ADGRL2: variants seen among roughly 807,000 people sequenced by gnomAD.
ADGRL2 encodes calcium-independent alpha-latrotoxin receptor 2.
ADGRL2 carries 44 observed loss-of-function variants against 157.4 expected under a neutral mutation model. The ratio of observed to expected loss-of-function variants is 0.28; its 90% CI spans 0.22 to 0.36. The LOEUF (loss-of-function observed/expected upper bound fraction) is 0.36. ADGRL2 is among the 10% of genes least tolerant of loss of function. ADGRL2 has a pLI of 1.00. For synonymous variants in ADGRL2, 585 were observed against 624.7 expected, an observed-to-expected ratio of 0.94 and a Z score of 0.95; for missense variants, 1,510 against 1,768.9, an observed-to-expected ratio of 0.85 and a Z score of 2.63.
chr1:81,952,536 T>C (rs1652175965), intron 9 of ADGRL2, among the ~76,000 whole-genome samples: 1 of 152,170 alleles, frequency 6.6e-6, no homozygotes, highest in African/African-American at 2.4e-5. Context: ...TATTAGCCAC[T>C]GACATATTTC....
intron 6 of ADGRL2, among the ~76,000 whole-genome samples, chr1:81,948,785 T>C (rs915732422): frequency 4.6e-5 from 7 of 152,174 alleles, no homozygotes; most frequent in South Asian, 2.1e-4. Context: ...CAATAAATTA[T>C]GCCCTGGAAA....
chr1:81,435,049 A>G lies in ADGRL2; in HGVS notation c.-301-9987A>G, dbSNP rs913009539. 2.0e-4 allele frequency among the ~76,000 whole-genome samples: 30 copies of G among 152,230 alleles called. 1 individual carries two copies. Among genetic ancestry groups the G allele is most frequent in the African/African-American group, 6.0e-4 (25 of 41,462 alleles). On this transcript the variant is annotated intron_variant, in intron 1 of 24. Transcript: ENST00000370721. ...TTAATAATAGGTAAACTTTATTGACATGAATTTTATTTTACTTATACTCTA... is the reference window on the plus strand; with the variant it reads ...TTAATAATAGGTAAACTTTATTGACGTGAATTTTATTTTACTTATACTCTA...
At chr1:81,426,281 G>A (rs765941799) in intron 1 of ADGRL2, among the ~76,000 whole-genome samples, 3 of 152,068 alleles carry the variant, frequency 2.0e-5, no homozygotes, top group Admixed American at 6.5e-5. Flanking sequence ...AGGGTCTTGT[G>A]GCCTATTTAC....
At chr1:81,964,403 T>C (rs746478867) in intron 11 of ADGRL2, among the ~76,000 whole-genome samples, 2 of 152,112 alleles carry the variant, frequency 1.3e-5, no homozygotes, top group Non-Finnish European at 2.9e-5. Context: ...ACACAGAGTC[T>C]GAGAACAGTT....
rs1295908155 is a variant in ADGRL2 at position 81,557,449 on chromosome 1, GAGAAAGAA to G, written c.-247-23414_-247-23407del. ...AGAGAGAAAAAGAAAGAAAGAAAGA[GAGAAAGAA>G]AGAAAGAAAGAAGAAAGAAAGAAAG... is the stretch of plus-strand genomic sequence containing the variant. On this transcript the variant is annotated intron_variant, in intron 2 of 24. Coordinates refer to the ADGRL2 transcript ENST00000370721. 4 of 44,602 alleles carry G rather than the reference GAGAAAGAA, an allele frequency of 9.0e-5. No homozygotes were observed. The South Asian group carries it at 3.8e-3, about 42-fold the overall frequency. The allele number at this position is 44,602 out of a possible 1,614,324, so 2.8% of individuals were successfully genotyped here.
rs377057766 is a variant in ADGRL2, at chr1:81,563,192, G to A, written c.-247-17684G>A. Reference sequence around the variant, plus strand: ...GTGTCACCCATAGGATTTGAGAAACGTCTAGTGAAAATCATTGTAACTTGG... The same window carrying A: ...GTGTCACCCATAGGATTTGAGAAACATCTAGTGAAAATCATTGTAACTTGG... On this transcript the variant is annotated intron_variant, in intron 2 of 24. Transcript: ENST00000370721. Among the ~76,000 whole-genome samples, 10 of 152,268 alleles carry A rather than the reference G, an allele frequency of 6.6e-5. No individual in the cohort carries two copies. The South Asian group carries it at 1.0e-3, about 16-fold the overall frequency.
chr1:81,419,920 A>T (rs2077095986), intron 1 of ADGRL2, among the ~76,000 whole-genome samples: 1 of 152,208 alleles, frequency 6.6e-6, no homozygotes, highest in Admixed American at 6.5e-5. Flanking sequence ...AAAGAAAAAC[A>T]TTTTTGGCCT....
chr1:81,382,415 G>A (rs2076359307), intron 1 of ADGRL2, among the ~76,000 whole-genome samples: 2 of 152,160 alleles, frequency 1.3e-5, no homozygotes, highest in African/African-American at 4.8e-5. Context: ...ACACAATAGG[G>A]GTAGCTGCTG....
chr1:81,653,658 C>A (rs1447035309), intron 3 of ADGRL2, among the ~76,000 whole-genome samples: 1 of 152,030 alleles, frequency 6.6e-6, no homozygotes, highest in Non-Finnish European at 1.5e-5. Context: ...TCTATTCATT[C>A]TTTTATATGT....
chr1:81,899,444 C>G (rs182889362), intron 2 of ADGRL2, among the ~76,000 whole-genome samples: 1 of 152,084 alleles, frequency 6.6e-6, no homozygotes, highest in Admixed American at 6.6e-5. Flanking sequence ...GTATTTATTC[C>G]GATCAGTAGC....
chr1:81,335,251 C>T (rs1031639088), intron 1 of ADGRL2, among the ~76,000 whole-genome samples: 3 of 152,124 alleles, frequency 2.0e-5, no homozygotes, highest in Non-Finnish European at 4.4e-5. Context: ...TTCACCTAAT[C>T]CCCACACATA....
intron 3 of ADGRL2, among the ~76,000 whole-genome samples, chr1:81,924,018 T>C (rs1289025522): frequency 1.3e-5 from 2 of 152,186 alleles, no homozygotes; most frequent in Non-Finnish European, 2.9e-5. Flanking sequence ...TCCAAATTAA[T>C]AATATAGAGC....
In ADGRL2 at chr1:81,837,053, A is replaced by C. The variant is rs775578809; in HGVS notation, c.69A>C (p.Thr23=). 5 of 1,579,316 alleles carry C rather than the reference A, an allele frequency of 3.2e-6. No individual in the cohort carries two copies. The South Asian group carries it at 5.8e-5, about 18-fold the overall frequency. The part of the protein sequence containing the change: ...FIIVISFLPN[T]EGFSRAALPF... ...TTGTAATCAGCTTCTTACCAAATACAGAAGGTAAGATCCAGTTTACATTTT... is the reference window on the plus strand; with the variant it reads ...TTGTAATCAGCTTCTTACCAAATACCGAAGGTAAGATCCAGTTTACATTTT... Residue 23 remains threonine, a synonymous_variant, in exon 2 of 24, where the codon ACA becomes ACC. Transcript: ENST00000686636.
At chr1:81,941,938 C>G (rs528271460) in intron 4 of ADGRL2, 96 bp from the exon 5 acceptor site, 1 of 624,032 alleles carries the variant, frequency 1.6e-6, no homozygotes, top group Non-Finnish European at 2.9e-6. Context: ...GCATCTGTTA[C>G]GAATTCAGTC....
intron 3 of ADGRL2, among the ~76,000 whole-genome samples, chr1:81,672,416 T>C (rs1357115479): frequency 6.6e-6 from 1 of 152,212 alleles, no homozygotes; most frequent in Non-Finnish European, 1.5e-5. Flanking sequence ...AACTGATACA[T>C]ATTTAGGAAC....
chr1:81,582,376 G>A lies in ADGRL2; in HGVS notation c.-143+1396G>A, dbSNP rs180937953. Among the ~76,000 whole-genome samples, 131 of 152,110 alleles carry A rather than the reference G, an allele frequency of 8.6e-4. 1 individual carries two copies. In the Middle Eastern group the frequency reaches 0.037, roughly 43 times the overall value. Reference sequence around the variant, plus strand: ...AATAACTATTTTTATACTTTTGCATGGCTTCTGTGTATTGCAATAATTTAA... The same window carrying A: ...AATAACTATTTTTATACTTTTGCATAGCTTCTGTGTATTGCAATAATTTAA... On this transcript the variant is annotated intron_variant, in intron 3 of 24. Transcript: ENST00000370721.
intron 3 of ADGRL2, among the ~76,000 whole-genome samples, chr1:81,633,307 A>G (rs1330964910): frequency 3.3e-5 from 5 of 152,076 alleles, no homozygotes; most frequent in African/African-American, 1.2e-4. Flanking sequence ...TCAAAAGAGA[A>G]CATGCTGGGC....
chr1:81,860,703 C>G (rs2093360808), intron 2 of ADGRL2, among the ~76,000 whole-genome samples: 1 of 152,100 alleles, frequency 6.6e-6, no homozygotes, highest in African/African-American at 2.4e-5. Flanking sequence ...GTTACTTTCT[C>G]TGGTTCAAGC....
At chr1:81,806,208 G>C (rs566556705) in intron 1 of ADGRL2, among the ~76,000 whole-genome samples, 3 of 152,138 alleles carry the variant, frequency 2.0e-5, no homozygotes, top group African/African-American at 7.2e-5. Flanking sequence ...CCAGGCTTTT[G>C]ACTGTCTGCT....
Sources: gnomAD v4.1 joint callset for allele counts (sites outside exome capture counted in the v4.1 genomes callset) on GRCh38, gnomAD v4.1.1 for gene constraint, MANE v1.5 for transcripts, NCBI Gene and HGNC (gene_info 2026-07-23, HGNC 2026-07-21) for gene names.